PHYKPL: variants seen among roughly 807,000 people sequenced by gnomAD.
PHYKPL encodes 5-phosphonooxy-L-lysine phospho-lyase.
PHYKPL carries 42 observed loss-of-function variants against 51.3 expected under a neutral mutation model. That is an observed-to-expected ratio of 0.82 (90% CI 0.64 to 1.06). The LOEUF is 1.06. PHYKPL is among the 50% of genes least tolerant of loss of function. The pLI is 0.00. For synonymous variants in PHYKPL, 264 were observed against 236.0 expected (o/e 1.12, Z -1.09); for missense variants, 655 against 586.6 (o/e 1.12, Z -1.20).
At chr5:178,207,287 T>C, downstream of PHYKPL, 2 of 1,599,958 alleles carry the variant, frequency 1.3e-6, no homozygotes, top group Non-Finnish European at 1.7e-6. Flanking sequence ...CTTAGAGGGA[T>C]GGGTTAGGGG....
At position 178,219,452 on chromosome 5, in the gene PHYKPL, A is replaced by AT. The variant is rs528510112; in HGVS notation, c.927+2902dup. ...AAAGACACAAAAGACACAAATAGGC[A>AT]TTTTTTTTTTTTTTTCTTTGAGATG... On this transcript the variant is annotated intron_variant, in intron 8 of 12. Transcript: ENST00000308158. 1.1e-3 allele frequency among the ~76,000 whole-genome samples: 153 copies of AT among 141,900 alleles called. 1 individual carries two copies. The highest frequency in any genetic ancestry group is 1.2e-3 in the Admixed American group (17 of 14,170). The allele number at this position is 141,900 out of a possible 152,430, so 93.1% of individuals were successfully genotyped here.
rs1173972084 is a variant in PHYKPL at position 178,224,346 on chromosome 5, C to CT, written c.618+101_618+102insA. On this transcript the variant is annotated intron_variant, in intron 6 of 12. Transcript: ENST00000308158. ...CCCAGATTCCTGGAGGGCAGGGCCT[C>CT]GTTTGGTTTTCTCTCTGGGTTCCCA... 3 of 1,248,088 alleles carry CT rather than the reference C, an allele frequency of 2.4e-6. No individual in the cohort carries two copies. In the African/African-American group the frequency reaches 4.6e-5, roughly 19 times the overall value. 77.3% of individuals were successfully genotyped at this position (1,248,088 alleles called of 1,614,324 possible).
chr5:178,211,788 A>C, intron 12 of PHYKPL, 102 bp downstream of exon 12: 1 of 769,186 alleles, frequency 1.3e-6, no homozygotes, highest in Non-Finnish European at 2.2e-6. Context: ...AGTCAGAACA[A>C]AAAAAAGTCT....
Position 178,224,804 on chromosome 5 carries a change from C to T in PHYKPL, c.414-75G>A. The stretch of plus-strand genomic sequence containing the variant: ...CTGGCCCAGTCTGACCATCGTCTCC[C>T]CACCCCTGAAGACACACAAGGGAGG... On this transcript the variant is annotated intron_variant, in intron 4 of 12. Transcript: ENST00000308158. The T allele has an allele frequency of 4.9e-6, 6 of 1,223,478 alleles. No individual in the cohort carries two copies. In the South Asian group the frequency reaches 7.0e-5, roughly 14 times the overall value. The allele number at this position is 1,223,478 out of a possible 1,614,324, so 75.8% of individuals were successfully genotyped here.
At chr5:178,228,895 T>TAGGATAAAGAC (rs1401561423) in intron 3 of PHYKPL, among the ~76,000 whole-genome samples, 1 of 152,154 alleles carries the variant, frequency 6.6e-6, no homozygotes, top group Non-Finnish European at 1.5e-5. Flanking sequence ...CCAATGCTCT[T>TAGGATAAAGAC]AGGATAAAGA....
At chr5:178,223,521 C>T (rs1007514537) in intron 6 of PHYKPL, 1 of 455,970 alleles carries the variant, frequency 2.2e-6, no homozygotes, top group East Asian at 7.0e-5. Context: ...TTCTGCCTTA[C>T]AGGTGGGAGG....
At chr5:178,226,940 T>C (rs1445476666) in intron 3 of PHYKPL, among the ~76,000 whole-genome samples, 1 of 151,766 alleles carries the variant, frequency 6.6e-6, no homozygotes, top group African/African-American at 2.4e-5. Context: ...TGTGTGTATA[T>C]ACAAATACAC....
Position 178,230,013 on chromosome 5 carries a change from T to C in PHYKPL, c.265A>G (p.Ile89Val), listed in dbSNP as rs1295152685. Residue 89 changes from isoleucine (I) to valine (V), a missense_variant, in exon 3 of 13, where the codon ATC becomes GTC. Physicochemically the swap from Ile to Val is conservative, Grantham distance 29. Transcript: ENST00000308158. Reference protein sequence around the residue: ...NTNSRYLHDNIVDYAQRLSET... With the variant: ...NTNSRYLHDNVVDYAQRLSET... ...GACAGCCTCTGCGCATAGTCCACGATGTTGTCATGCAGGTACCGGCTGTTG... is the reference window on the plus strand; with the variant it reads ...GACAGCCTCTGCGCATAGTCCACGACGTTGTCATGCAGGTACCGGCTGTTG... 7 of 1,614,102 alleles carry C rather than the reference T, an allele frequency of 4.3e-6. No individual in the cohort carries two copies. The Admixed American group carries it at 1.0e-4, about 23-fold the overall frequency.
intron 8 of PHYKPL, among the ~76,000 whole-genome samples, chr5:178,221,368 C>G (rs529149287): frequency 6.6e-6 from 1 of 152,060 alleles, no homozygotes; most frequent in African/African-American, 2.4e-5. Context: ...GCTCTTCACC[C>G]ACCTCTTGCC....
At chr5:178,228,023 G>T (rs1316182735) in intron 3 of PHYKPL, 1 of 165,040 alleles carries the variant, frequency 6.1e-6, no homozygotes, top group Non-Finnish European at 1.3e-5. Context: ...ACAGTACCAT[G>T]GTCCAATCAA....
At chr5:178,207,513 A>G (rs1336001152), downstream of PHYKPL, among the ~76,000 whole-genome samples, 1 of 152,074 alleles carries the variant, frequency 6.6e-6, no homozygotes. Context: ...TTAAAGCTAG[A>G]GGTGACAGTT....
At chr5:178,217,185 A>C (rs549160567) in intron 8 of PHYKPL, among the ~76,000 whole-genome samples, 1 of 152,158 alleles carries the variant, frequency 6.6e-6, no homozygotes, top group African/African-American at 2.4e-5. Context: ...GTTGATAAGC[A>C]CAATAAATGA....
intron 6 of PHYKPL, chr5:178,223,245 A>C: frequency 2.4e-6 from 1 of 413,058 alleles, no homozygotes. Context: ...CCCTCAACCC[A>C]TCAGTCAGCA....
chr5:178,231,311 C>T, intron 2 of PHYKPL, 94 bp downstream of exon 2: 3 of 1,593,162 alleles, frequency 1.9e-6, no homozygotes, highest in Non-Finnish European at 2.6e-6. Flanking sequence ...CACCCAGGTT[C>T]TCCACACCTC....
chr5:178,224,307 C>G (rs1761823175), intron 6 of PHYKPL, 141 bp downstream of exon 6: 2 of 946,974 alleles, frequency 2.1e-6, no homozygotes, highest in South Asian at 3.5e-5. Context: ...CTGCTGAGCC[C>G]AAACTGCCCC....
rs376493374 is a variant in PHYKPL at position 178,213,781 on chromosome 5, G to A, written c.1173-678C>T. On this transcript the variant is annotated intron_variant, in intron 10 of 12. Coordinates refer to ENST00000308158, the MANE Select transcript of PHYKPL (RefSeq NM_153373.4). ...GTGTGCCTTCTGGTTTCATTTTCCT[G>A]TCCCAGTCTTCCTGGCACTGACCAT... is the stretch of plus-strand genomic sequence containing the variant. Among the ~76,000 whole-genome samples the A allele has an allele frequency of 7.2e-5, 11 of 152,178 alleles. No homozygotes were observed. In the East Asian group the frequency reaches 1.7e-3, roughly 24 times the overall value.
Position 178,232,736 on chromosome 5 carries a change from T to A in PHYKPL, c.-186A>T. On this transcript the variant is annotated 5_prime_UTR_variant, in exon 1 of 13. Coordinates refer to ENST00000308158, the MANE Select transcript of PHYKPL (RefSeq NM_153373.4). ...CATTTCTTCGCTTGCCCACTGGGCCTGGCAGCCTTCCGGCCCGTGGTCGTG... is the reference window on the plus strand; with the variant it reads ...CATTTCTTCGCTTGCCCACTGGGCCAGGCAGCCTTCCGGCCCGTGGTCGTG... The A allele has an allele frequency of 1.7e-6, 1 of 589,406 alleles. No individual in the cohort carries two copies. The highest frequency in any genetic ancestry group is 2.4e-6 in the Non-Finnish European group (1 of 410,848). 36.5% of individuals were successfully genotyped at this position (589,406 alleles called of 1,614,324 possible). A position where few individuals can be genotyped will look rare whatever the true frequency, so the allele number is the denominator to read the frequency against.
intron 4 of PHYKPL, 85 bp from the exon 5 acceptor site, chr5:178,224,814 A>G: frequency 9.0e-7 from 1 of 1,107,932 alleles, no homozygotes. Context: ...CCACCCCTGA[A>G]GACACACAAG....
intron 8 of PHYKPL, chr5:178,216,114 G>A (rs1759727766): frequency 6.6e-6 from 1 of 152,192 alleles, no homozygotes; most frequent in South Asian, 2.1e-4. Context: ...CAGTGAAGTT[G>A]CAGAACATTT....
Sources: gnomAD v4.1 joint callset for allele counts (sites outside exome capture counted in the v4.1 genomes callset) on GRCh38, gnomAD v4.1.1 for gene constraint, MANE v1.5 for transcripts, NCBI Gene and HGNC (gene_info 2026-07-23, HGNC 2026-07-21) for gene names.